The following CACNB4 variants were observed in gnomAD, a reference collection of about 807,000 sequenced individuals.
The protein encoded by CACNB4 is voltage-dependent L-type calcium channel subunit beta-4.
CACNB4 carries 32 observed loss-of-function variants against 71.2 expected under a neutral mutation model. The observed-to-expected ratio is 0.45, with a 90% confidence interval of 0.34 to 0.60. CACNB4 has a LOEUF of 0.60. CACNB4 is among the 20% of genes least tolerant of loss of function. CACNB4 has a pLI of 0.01. For missense variants in CACNB4, 464 were observed against 647.9 expected (o/e 0.72, Z 3.08); for synonymous variants, 231 against 236.9 (o/e 0.97, Z 0.23).
intron 9 of CACNB4, among the ~76,000 whole-genome samples, chr2:151,862,824 C>T (rs2099842081): frequency 6.6e-6 from 1 of 152,202 alleles, no homozygotes; most frequent in Non-Finnish European, 1.5e-5. Flanking sequence ...CCTGACTCCA[C>T]CATTCTCTTA....
chr2:151,928,097 C>T (rs1378436473), intron 2 of CACNB4, among the ~76,000 whole-genome samples: 3 of 152,164 alleles, frequency 2.0e-5, no homozygotes, highest in African/African-American at 4.8e-5. Flanking sequence ...CCATCAGCTC[C>T]GGCTGCTCAG....
At chr2:152,009,809 C>A in intron 2 of CACNB4, among the ~76,000 whole-genome samples, 1 of 152,240 alleles carries the variant, frequency 6.6e-6, no homozygotes, top group African/African-American at 2.4e-5. Context: ...CCTCCCTCTG[C>A]GGGGACAGGC....
At chr2:151,854,950 T>A (rs774607797) in intron 11 of CACNB4, 43 of 275,718 alleles carry the variant, frequency 1.6e-4, no homozygotes, top group Non-Finnish European at 2.2e-4. Flanking sequence ...AGCCAGAGTC[T>A]ACTTTTCCAC....
chr2:152,054,558 G>A (rs1199574896), intron 2 of CACNB4, among the ~76,000 whole-genome samples: 1 of 152,038 alleles, frequency 6.6e-6, no homozygotes, highest in African/African-American at 2.4e-5. Flanking sequence ...GCTTTTGTGT[G>A]GACACATGCC....
At chr2:151,917,232 A>G (rs2099857752) in intron 2 of CACNB4, among the ~76,000 whole-genome samples, 1 of 152,222 alleles carries the variant, frequency 6.6e-6, no homozygotes, top group Admixed American at 6.5e-5. Context: ...TGAAAGACTG[A>G]AATCATAATG....
At chr2:151,951,112 G>C (rs1239388151) in intron 2 of CACNB4, among the ~76,000 whole-genome samples, 4 of 151,966 alleles carry the variant, frequency 2.6e-5, no homozygotes, top group Non-Finnish European at 4.4e-5. Flanking sequence ...TTTCAGTAGA[G>C]ACGGGGTTTC....
At chr2:151,873,552 A>G (rs936717457) in intron 5 of CACNB4, 15 of 152,308 alleles carry the variant, frequency 9.8e-5, no homozygotes, top group African/African-American at 3.4e-4. Flanking sequence ...AGAGAAAACT[A>G]AGTCAGGGAA....
At chr2:151,936,726 T>A (rs997717214) in intron 2 of CACNB4, among the ~76,000 whole-genome samples, 9 of 152,230 alleles carry the variant, frequency 5.9e-5, no homozygotes, top group African/African-American at 2.2e-4. Flanking sequence ...CTCCCAGTAA[T>A]ACGTGGTTGG....
intron 2 of CACNB4, among the ~76,000 whole-genome samples, chr2:152,020,127 T>C (rs1403969350): frequency 6.6e-6 from 1 of 152,164 alleles, no homozygotes; most frequent in Non-Finnish European, 1.5e-5. Flanking sequence ...TCCAGTCCTG[T>C]TTATTGTGGG....
chr2:151,875,200 C>G (rs1252536410), intron 5 of CACNB4, among the ~76,000 whole-genome samples: 6 of 148,036 alleles, frequency 4.1e-5, no homozygotes, highest in East Asian at 2.0e-4. Flanking sequence ...TGACTCTTAA[C>G]GAGCATGCTG....
intron 8 of CACNB4, chr2:151,869,520 G>A (rs1468859853): frequency 6.9e-6 from 2 of 288,242 alleles, no homozygotes; most frequent in Non-Finnish European, 1.3e-5. Context: ...GGATAGAACT[G>A]CTGCCAGGAG....
chr2:152,056,008 C>T (rs960487078), intron 2 of CACNB4, among the ~76,000 whole-genome samples: 7 of 152,124 alleles, frequency 4.6e-5, no homozygotes, highest in African/African-American at 1.7e-4. Flanking sequence ...GCCAGAAGGA[C>T]CATATTTAAA....
chr2:151,870,943 T>A, intron 6 of CACNB4, 82 bp from the exon 7 acceptor site: 1 of 1,006,666 alleles, frequency 9.9e-7, no homozygotes. Flanking sequence ...TGGAAGAATG[T>A]ACCCATTTGT....
intron 2 of CACNB4, among the ~76,000 whole-genome samples, chr2:151,995,940 C>A (rs1682017407): frequency 6.6e-6 from 1 of 152,214 alleles, no homozygotes; most frequent in Non-Finnish European, 1.5e-5. Flanking sequence ...ACCTTGCAAA[C>A]AAGTTCAAAG....
intron 9 of CACNB4, chr2:151,866,998 CTTTTTCTGGGCCTCAGG>C (rs1036645922): frequency 7.9e-5 from 12 of 152,188 alleles, no homozygotes; most frequent in African/African-American, 2.7e-4. Context: ...AATAAATTCC[CTTTTTCTGGGCCTCAGG>C]ATTGAGGAAG....
intron 4 of CACNB4, 28 bp downstream of exon 4, chr2:151,880,772 G>A: frequency 1.3e-6 from 2 of 1,599,442 alleles, no homozygotes; most frequent in African/African-American, 1.3e-5. Context: ...TTTGGCAGGT[G>A]AAGGGATGCA....
chr2:152,057,742 T>G (rs1264978510), intron 2 of CACNB4, among the ~76,000 whole-genome samples: 2 of 152,192 alleles, frequency 1.3e-5, no homozygotes, highest in African/African-American at 4.8e-5. Context: ...TGAATTGAAC[T>G]GACCCCTGAA....
intron 2 of CACNB4, among the ~76,000 whole-genome samples, chr2:152,082,874 G>T (rs1687438802): frequency 6.6e-6 from 1 of 152,214 alleles, no homozygotes; most frequent in Non-Finnish European, 1.5e-5. Flanking sequence ...ACGACCATGT[G>T]AATGTACTTA....
Position 151,842,006 on chromosome 2 carries a change from C to T in CACNB4, c.1199G>A (p.Arg400His), listed in dbSNP as rs376491652. 8.0e-5 allele frequency: 129 copies of T among 1,613,570 alleles called. 1 individual carries two copies. In the South Asian group the frequency reaches 1.1e-3, roughly 14 times the overall value. Residue 400 changes from arginine (R) to histidine (H), a missense_variant, in exon 13 of 14, where the codon CGT becomes CAT. By Grantham distance (29) the Arg-to-His change is conservative. Around this residue, in one of 3 missense-constraint regions of CACNB4, gnomAD observed 299 missense variants for 471.7 expected, o/e 0.63. Coordinates refer to ENST00000539935, the MANE Select transcript of CACNB4 (RefSeq NM_000726.5). ...HLGEYLEAYW[R>H]ATHTTSSTPM... ...TGTGCTACTGGTTGTGTGGGTGGCA[C>T]GCCAGTACGCCTCCAGGTACTCCCC...
Sources: allele counts gnomAD v4.1 joint callset (sites outside exome capture counted in the v4.1 genomes callset), GRCh38; gene constraint gnomAD v4.1.1; regional missense constraint gnomAD v4.1.1; transcripts MANE v1.5; gene names NCBI Gene and HGNC (gene_info 2026-07-23, HGNC 2026-07-21).